ZNF14: variants seen among roughly 807,000 people sequenced by gnomAD.
The protein encoded by ZNF14 is gonadotropin inducible transcription repressor-4.
Under a neutral mutation model 11.3 loss-of-function variants are expected in ZNF14, and 9 were observed. That is an observed-to-expected ratio of 0.80 (90% confidence interval 0.48 to 1.39). The LOEUF is 1.39. ZNF14 is among the 40% of genes most tolerant of loss of function. ZNF14 has a pLI of 0.00. For synonymous variants in ZNF14, 239 were observed against 245.7 expected, an observed-to-expected ratio of 0.97 and a Z score of 0.25; for missense variants, 711 against 763.9, an observed-to-expected ratio of 0.93 and a Z score of 0.82.
At position 19,710,802 on chromosome 19, in the gene ZNF14, C is replaced by G. The variant is rs2062356597; in HGVS notation, c.*550G>C. The G allele has an allele frequency of 6.5e-6, 1 of 152,742 alleles. No individual in the cohort carries two copies. 9.5% of individuals were successfully genotyped at this position (152,742 alleles called of 1,614,324 possible). ...TTTTTTCTTGAGACAGTGTCTCATTCTGTCGCACAGGCTGGAATGCAGTGG... is the reference window on the plus strand; with the variant it reads ...TTTTTTCTTGAGACAGTGTCTCATTGTGTCGCACAGGCTGGAATGCAGTGG... On this transcript the variant is annotated 3_prime_UTR_variant, in exon 4 of 4. Transcript: ENST00000344099.
In ZNF14 at chr19:19,711,613, C is replaced by A. The variant is rs760940777; in HGVS notation, c.1668G>T (p.Glu556Asp). The A allele has an allele frequency of 6.2e-7, 1 of 1,614,068 alleles. No individual in the cohort carries two copies. The highest frequency in any genetic ancestry group is 8.5e-7 in the Non-Finnish European group (1 of 1,180,036). Reference protein sequence around the residue: ...IRLHERTHTGEKPYQCKQCGK... With the variant: ...IRLHERTHTGDKPYQCKQCGK... ...CACATTGTTTACATTGATACGGTTT[C>A]TCTCCAGTGTGAGTCCTTTCATGCA... The change falls in exon 4 of 4, where the codon GAG (glutamate) becomes GAT (aspartate). Residue 556 changes from glutamate (E) to aspartate (D), a missense_variant. Physicochemically the swap from Glu to Asp is conservative, Grantham distance 45. Coordinates refer to ENST00000344099, the MANE Select transcript of ZNF14 (RefSeq NM_021030.3).
rs755857738 is a variant in ZNF14 at position 19,711,479 on chromosome 19, G to C, written c.1802C>G (p.Ser601Cys). ...QCGKAFRFSS[S>C]VRIHERSHTG... ...GTGAGACCTTTCATGAATTCGAACAGAACTTGAAAATCTGAAGGCTTTCCC... is the reference window on the plus strand; with the variant it reads ...GTGAGACCTTTCATGAATTCGAACACAACTTGAAAATCTGAAGGCTTTCCC... Residue 601 changes from serine (S) to cysteine (C), a missense_variant, in exon 4 of 4, where the codon TCT becomes TGT. Coordinates refer to ENST00000344099, the MANE Select transcript of ZNF14 (RefSeq NM_021030.3). 5 of 1,612,590 alleles carry C rather than the reference G, an allele frequency of 3.1e-6. No individual in the cohort carries two copies. The highest frequency in any genetic ancestry group is 4.2e-6 in the Non-Finnish European group (5 of 1,179,538).
Position 19,727,691 on chromosome 19 carries a change from T to C in ZNF14, c.3+5265A>G, listed in dbSNP as rs949308233. Among the ~76,000 whole-genome samples the C allele has an allele frequency of 9.0e-5, 12 of 133,842 alleles. 1 individual carries two copies. Among genetic ancestry groups the C allele is most frequent in the African/African-American group, 3.3e-4 (12 of 36,182 alleles). The allele number at this position is 133,842 out of a possible 152,430, so 87.8% of individuals were successfully genotyped here. On this transcript the variant is annotated intron_variant, in intron 1 of 3. Transcript: ENST00000344099. Reference sequence around the variant, plus strand: ...ACTAATAATATGTAGTCTCAGACCATTTGAAATGAATGCCTAAAGAGTTTC... The same window carrying C: ...ACTAATAATATGTAGTCTCAGACCACTTGAAATGAATGCCTAAAGAGTTTC...
chr19:19,713,763 T>TTTTTTTTC (rs1555761279), intron 3 of ZNF14, among the ~76,000 whole-genome samples: 9 of 148,814 alleles, frequency 6.0e-5, no homozygotes, highest in African/African-American at 1.2e-4. Flanking sequence ...TTTTTTTTTT[T>TTTTTTTTC]CCCCAGATGA....
intron 1 of ZNF14, among the ~76,000 whole-genome samples, chr19:19,714,713 C>CTTTTTTTTTTTTTTTTTTTT (rs3031866): frequency 2.4e-5 from 3 of 122,848 alleles, no homozygotes; most frequent in African/African-American, 5.9e-5. Flanking sequence ...TTTTCTTTTT[C>CTTTTTTTTTTTTTTTTTTTT]TTTTTTTTTT....
rs904327894 is a variant in ZNF14 at position 19,712,131 on chromosome 19, T to C, written c.1150A>G (p.Thr384Ala). ...TCATAAGGTTTCTCTCCAGTATGAG[T>C]TCTTTCATGCAATCGAAGAGAAATG... ...WSISLRLHER[T>A]HTGEKPYECK... Residue 384 changes from threonine to alanine, a missense_variant, in exon 4 of 4, where the codon ACT (threonine) becomes GCT (alanine). Coordinates refer to ENST00000344099, the MANE Select transcript of ZNF14 (RefSeq NM_021030.3). 1 of 1,613,840 alleles carries C rather than the reference T, an allele frequency of 6.2e-7. No individual in the cohort carries two copies. Among genetic ancestry groups the C allele is most frequent in the African/African-American group, 1.3e-5 (1 of 74,900 alleles).
rs749261387 is a variant in ZNF14, at chr19:19,712,146, G to A, written c.1135C>T (p.Arg379Ter). ...GKSFSWSISLRLHERTHTGEK... is the reference protein window; with the variant it reads ...GKSFSWSISL ...CCAGTATGAGTTCTTTCATGCAATCGAAGAGAAATGGACCAACTGAATGAT... is the reference window on the plus strand; with the variant it reads ...CCAGTATGAGTTCTTTCATGCAATCAAAGAGAAATGGACCAACTGAATGAT... Residue 379 changes from arginine to a stop codon, truncating the protein, a stop_gained, in exon 4 of 4, where the codon CGA (arginine) becomes TGA (stop). Coordinates refer to ENST00000344099, the MANE Select transcript of ZNF14 (RefSeq NM_021030.3). LOFTEE classifies it low-confidence loss of function (END_TRUNC). 66 of 1,613,832 alleles carry A rather than the reference G, an allele frequency of 4.1e-5. No homozygotes were observed. In the Admixed American group the frequency reaches 5.0e-4, roughly 12 times the overall value.
intron 1 of ZNF14, among the ~76,000 whole-genome samples, chr19:19,715,513 G>A (rs2062375435): frequency 6.6e-6 from 1 of 152,228 alleles, no homozygotes; most frequent in Non-Finnish European, 1.5e-5. Context: ...GTGGGGAGGA[G>A]ATTTGTGCAG....
chr19:19,731,171 T>C (rs2062422097), intron 1 of ZNF14, among the ~76,000 whole-genome samples: 1 of 152,362 alleles, frequency 6.6e-6, no homozygotes, highest in African/African-American at 2.4e-5. Context: ...TTGATTATTT[T>C]ATACAAAAAT....
chr19:19,733,111 C>T lies in ZNF14; in HGVS notation c.-153G>A, dbSNP rs2062429191. ...TGGGCCAGGAATGGCGACGTCCGCA[C>T]TGCGCAGGCCCAGCGTGGCGCCGCT... On this transcript the variant is annotated 5_prime_UTR_variant, in exon 1 of 4. In the 5' UTR this introduces an upstream ATG that the reference lacks. Coordinates refer to ENST00000344099, the MANE Select transcript of ZNF14 (RefSeq NM_021030.3). 38 of 896,082 alleles carry T rather than the reference C, an allele frequency of 4.2e-5. 1 individual carries two copies. The South Asian group carries it at 6.2e-4, about 15-fold the overall frequency. 55.5% of individuals were successfully genotyped at this position (896,082 alleles called of 1,614,324 possible).
chr19:19,711,662 A>C lies in ZNF14; in HGVS notation c.1619T>G (p.Phe540Cys), dbSNP rs1382292121. Residue 540 changes from phenylalanine to cysteine, a missense_variant, in exon 4 of 4, where the codon TTC becomes TGC. Physicochemically the swap from Phe to Cys is radical, Grantham distance 205. Coordinates refer to ENST00000344099, the MANE Select transcript of ZNF14 (RefSeq NM_021030.3). ...PFECKQCGKA[F>C]LRSSQIRLHE... ...CAATCGAATTTGACTGGAACGAAGG[A>C]AGGCCTTACCACATTGCTTACACTC... is the stretch of plus-strand genomic sequence containing the variant. 3 of 1,614,110 alleles carry C rather than the reference A, an allele frequency of 1.9e-6. No homozygotes were observed. Among genetic ancestry groups the C allele is most frequent in the Non-Finnish European group, 2.5e-6 (3 of 1,180,010 alleles).
intron 1 of ZNF14, among the ~76,000 whole-genome samples, chr19:19,717,231 C>T (rs2145096802): frequency 6.6e-6 from 1 of 152,166 alleles, no homozygotes; most frequent in South Asian, 2.1e-4. Context: ...TTCACTAGGG[C>T]CTCCCTCAGA....
Position 19,721,372 on chromosome 19 carries a change from C to T in ZNF14, c.4-6885G>A, listed in dbSNP as rs142248455. 2.0e-3 allele frequency among the ~76,000 whole-genome samples: 308 copies of T among 152,294 alleles called. 4 individuals are homozygous for T. Among genetic ancestry groups the T allele is most frequent in the African/African-American group, 6.8e-3 (281 of 41,564 alleles). ...TTGACTAAATGCCAACTCTATCTCC[C>T]AGCAGGACATCTTGGCCCATGGATA... On this transcript the variant is annotated intron_variant, in intron 1 of 3. Transcript: ENST00000344099.
chr19:19,733,087 G>C lies in ZNF14; in HGVS notation c.-129C>G. 1.6e-6 allele frequency: 2 copies of C among 1,248,078 alleles called. No individual in the cohort carries two copies. Among genetic ancestry groups the C allele is most frequent in the Non-Finnish European group, 2.2e-6 (2 of 892,560 alleles). 77.3% of individuals were successfully genotyped at this position (1,248,078 alleles called of 1,614,324 possible). ...AGCAGGTGAAACGCAATCTTCCCATGGGCCAGGAATGGCGACGTCCGCACT... is the reference window on the plus strand; with the variant it reads ...AGCAGGTGAAACGCAATCTTCCCATCGGCCAGGAATGGCGACGTCCGCACT... On this transcript the variant is annotated 5_prime_UTR_variant, in exon 1 of 4. Transcript: ENST00000344099.
intron 1 of ZNF14, among the ~76,000 whole-genome samples, chr19:19,721,457 C>T (rs1351045102): frequency 1.3e-5 from 2 of 152,178 alleles, no homozygotes; most frequent in Non-Finnish European, 2.9e-5. Flanking sequence ...AAATCTCCAA[C>T]TTTTCTCCAA....
rs144006046 is a variant in ZNF14, at chr19:19,711,771, C to G, written c.1510G>C (p.Glu504Gln). ...ERTHTGEKPYECKLCGKTFSF... is the reference protein window; with the variant it reads ...ERTHTGEKPYQCKLCGKTFSF... ...AAGGTTTTACCGCATAGTTTACATT[C>G]ATAGGGTTTCTCTCCAGTGTGTGTT... The change falls in exon 4 of 4, where the codon GAA becomes CAA. Residue 504 changes from glutamate (E) to glutamine (Q), a missense_variant. Coordinates refer to ENST00000344099, the MANE Select transcript of ZNF14 (RefSeq NM_021030.3). The G allele has an allele frequency of 6.2e-7, 1 of 1,613,360 alleles. No homozygotes were observed. The highest frequency in any genetic ancestry group is 8.5e-7 in the Non-Finnish European group (1 of 1,179,526).
chr19:19,732,848 G>A, intron 1 of ZNF14, 108 bp downstream of exon 1: 2 of 1,436,934 alleles, frequency 1.4e-6, no homozygotes, highest in South Asian at 1.3e-5. Context: ...GCCCGCGGTG[G>A]CCCCCGGGTC....
At chr19:19,730,581 G>A (rs903136171) in intron 1 of ZNF14, among the ~76,000 whole-genome samples, 5 of 152,278 alleles carry the variant, frequency 3.3e-5, no homozygotes, top group Middle Eastern at 3.4e-3. Flanking sequence ...TGTACTAAGC[G>A]AAGTACTTAT....
rs117827110 is a variant in ZNF14, at chr19:19,714,822, G to A, written c.4-335C>T. 9.5e-3 allele frequency among the ~76,000 whole-genome samples: 1,372 copies of A among 143,860 alleles called. 13 individuals are homozygous for A. The highest frequency in any genetic ancestry group is 0.046 in the South Asian group (210 of 4,606). 94.4% of individuals were successfully genotyped at this position (143,860 alleles called of 152,430 possible). A position where few individuals can be genotyped will look rare whatever the true frequency, so the allele number is the denominator to read the frequency against. Reference sequence around the variant, plus strand: ...TGCCTCTGGAGCTCAAATGATTCTCGTGCCCCAGCCTCCTAAGTAGCTGGG... The same window carrying A: ...TGCCTCTGGAGCTCAAATGATTCTCATGCCCCAGCCTCCTAAGTAGCTGGG... On this transcript the variant is annotated intron_variant, in intron 1 of 3. Coordinates refer to ENST00000344099, the MANE Select transcript of ZNF14 (RefSeq NM_021030.3).
Sources: allele counts gnomAD v4.1 joint callset (sites outside exome capture counted in the v4.1 genomes callset), GRCh38; gene constraint gnomAD v4.1.1; transcripts MANE v1.5; gene names NCBI Gene and HGNC (gene_info 2026-07-23, HGNC 2026-07-21).